Variants in CTIF observed in about 807,000 individuals in gnomAD.
CTIF encodes cap binding complex dependent translation initiation factor.
In CTIF, 21 loss-of-function variants were observed where a neutral mutation model predicts 66.0. The ratio of observed to expected loss-of-function variants is 0.32; its 90% CI spans 0.23 to 0.46. The LOEUF is 0.46. CTIF is among the 20% of genes least tolerant of loss of function. The pLI is 1.00. For synonymous variants in CTIF, 345 were observed against 326.4 expected, an observed-to-expected ratio of 1.06 and a Z score of -0.62; for missense variants, 739 against 812.7, an observed-to-expected ratio of 0.91 and a Z score of 1.10.
rs994912097 is a variant in CTIF, at chr18:48,615,611, G to A, written c.-28-3927G>A. Among the ~76,000 whole-genome samples, 7 of 152,336 alleles carry A rather than the reference G, an allele frequency of 4.6e-5. No individual in the cohort carries two copies. In the East Asian group the frequency reaches 1.4e-3, roughly 29 times the overall value. ...CCACTCGGAGTTGCTGAGGGACCAC[G>A]TGGAGCATGCCTGGAATTGTCTGAG... is the stretch of plus-strand genomic sequence containing the variant. On this transcript the variant is annotated intron_variant, in intron 1 of 11. Transcript: ENST00000256413.
At chr18:48,559,399 A>G (rs2089100502) in intron 1 of CTIF, among the ~76,000 whole-genome samples, 1 of 152,220 alleles carries the variant, frequency 6.6e-6, no homozygotes, top group African/African-American at 2.4e-5. Context: ...TTCTAATGTT[A>G]CCTGTGGAAG....
chr18:48,590,303 C>T (rs2089861454), intron 1 of CTIF, among the ~76,000 whole-genome samples: 1 of 152,074 alleles, frequency 6.6e-6, no homozygotes, highest in Admixed American at 6.5e-5. Flanking sequence ...GACAGCAGGG[C>T]CTGCTGTGCA....
chr18:48,560,050 A>G (rs1568032111), intron 1 of CTIF, among the ~76,000 whole-genome samples: 2 of 152,260 alleles, frequency 1.3e-5, no homozygotes, highest in African/African-American at 4.8e-5. Flanking sequence ...CCCAAGAAAC[A>G]GGAAGGAGAG....
chr18:48,748,961 C>T (rs549347141), intron 7 of CTIF, among the ~76,000 whole-genome samples: 2 of 152,252 alleles, frequency 1.3e-5, no homozygotes, highest in African/African-American at 4.8e-5. Flanking sequence ...GGCTGCATCT[C>T]TGCATCTCTG....
At chr18:48,637,064 A>G (rs2090836489) in intron 3 of CTIF, among the ~76,000 whole-genome samples, 1 of 152,214 alleles carries the variant, frequency 6.6e-6, no homozygotes, top group Admixed American at 6.5e-5. Flanking sequence ...CAGCCCCACA[A>G]ACAATGGGAC....
chr18:48,819,543 G>T (rs1481982800), intron 10 of CTIF, among the ~76,000 whole-genome samples: 1 of 152,130 alleles, frequency 6.6e-6, no homozygotes, highest in Non-Finnish European at 1.5e-5. Flanking sequence ...TTTTAACACC[G>T]CCTGAGGTAG....
Position 48,799,389 on chromosome 18 carries a change from C to G in CTIF, c.1372-17832C>G, listed in dbSNP as rs541152386. ...AAAAGCAGCCCCAGATGATGGATTT[C>G]TGGTCTTTCACTAGAGCATTTGGAT... On this transcript the variant is annotated intron_variant, in intron 9 of 11. Coordinates refer to ENST00000256413, the MANE Select transcript of CTIF (RefSeq NM_014772.3). Among the ~76,000 whole-genome samples, 27 of 152,288 alleles carry G rather than the reference C, an allele frequency of 1.8e-4. No homozygotes were observed. The South Asian group carries it at 4.2e-3, about 23-fold the overall frequency.
intron 6 of CTIF, among the ~76,000 whole-genome samples, chr18:48,681,081 G>A (rs1280660032): frequency 3.3e-5 from 5 of 152,206 alleles, no homozygotes; most frequent in African/African-American, 4.8e-5. Context: ...GCTGGAAGGC[G>A]TTTTTCCAGC....
chr18:48,762,952 C>A (rs56325351), intron 9 of CTIF, among the ~76,000 whole-genome samples: 1 of 152,258 alleles, frequency 6.6e-6, no homozygotes, highest in Non-Finnish European at 1.5e-5. Context: ...CCAGCCTGGG[C>A]TGCTTCTCTC....
intron 2 of CTIF, among the ~76,000 whole-genome samples, chr18:48,620,001 A>G (rs995026534): frequency 1.3e-5 from 2 of 152,296 alleles, no homozygotes; most frequent in Non-Finnish European, 2.9e-5. Flanking sequence ...CCAGGCCCAC[A>G]TGTCTTTGAA....
intron 10 of CTIF, among the ~76,000 whole-genome samples, chr18:48,838,967 A>G (rs1045247380): frequency 1.3e-5 from 2 of 152,010 alleles, no homozygotes; most frequent in African/African-American, 4.8e-5. Context: ...CTGCTCCCCA[A>G]GCCTGCACCT....
chr18:48,602,508 A>G (rs9675622), intron 1 of CTIF, among the ~76,000 whole-genome samples: 10,180 of 152,306 alleles, frequency 0.067, 1,117 homozygotes, highest in African/African-American at 0.23. Flanking sequence ...TCTGTGGTTC[A>G]TAAAATAATG....
chr18:48,631,804 A>G (rs1019602859), intron 2 of CTIF, among the ~76,000 whole-genome samples: 1 of 152,124 alleles, frequency 6.6e-6, no homozygotes, highest in Non-Finnish European at 1.5e-5. Context: ...TTTTCAAGTA[A>G]GACACCACCT....
At chr18:48,544,579 A>C (rs906531817) in intron 1 of CTIF, among the ~76,000 whole-genome samples, 5 of 152,246 alleles carry the variant, frequency 3.3e-5, no homozygotes, top group African/African-American at 1.2e-4. Flanking sequence ...TAGGGGAGAT[A>C]AAGTATGGGA....
chr18:48,788,832 C>T (rs1292586209), intron 9 of CTIF, among the ~76,000 whole-genome samples: 1 of 152,124 alleles, frequency 6.6e-6, no homozygotes, highest in Non-Finnish European at 1.5e-5. Context: ...AACTCATCAC[C>T]GGCCCAGAGG....
intron 6 of CTIF, among the ~76,000 whole-genome samples, chr18:48,701,713 G>C (rs1385932053): frequency 6.6e-6 from 1 of 152,192 alleles, no homozygotes; most frequent in East Asian, 1.9e-4. Flanking sequence ...CCTGTTCTTT[G>C]CATCAGTGTC....
intron 6 of CTIF, among the ~76,000 whole-genome samples, chr18:48,675,759 C>T (rs536863398): frequency 2.6e-5 from 4 of 152,246 alleles, no homozygotes; most frequent in African/African-American, 7.2e-5. Flanking sequence ...GGCAGCAGCA[C>T]GGGGCTGCAG....
chr18:48,646,179 G>A (rs771066877), intron 3 of CTIF, among the ~76,000 whole-genome samples: 1 of 151,988 alleles, frequency 6.6e-6, no homozygotes, highest in East Asian at 1.9e-4. Context: ...CAAACGGCTC[G>A]TATTTAGAAT....
At chr18:48,574,375 G>A (rs1265621528) in intron 1 of CTIF, among the ~76,000 whole-genome samples, 1 of 152,188 alleles carries the variant, frequency 6.6e-6, no homozygotes, top group East Asian at 1.9e-4. Context: ...ATTATCCTGT[G>A]CATAAAAACG....
Sources: gnomAD v4.1 joint callset for allele counts (sites outside exome capture counted in the v4.1 genomes callset) on GRCh38, gnomAD v4.1.1 for gene constraint, MANE v1.5 for transcripts, NCBI Gene and HGNC (gene_info 2026-07-23, HGNC 2026-07-21) for gene names.